Variants in CRYZL1 observed in about 807,000 individuals in gnomAD.
CRYZL1 encodes the protein crystallin zeta like 1.
CRYZL1 carries 34 observed loss-of-function variants against 50.6 expected under a neutral mutation model. The observed-to-expected ratio is 0.67, with a 90% CI of 0.51 to 0.89. CRYZL1 has a LOEUF of 0.89. Ranked by LOEUF, CRYZL1 falls within the 40% of genes least tolerant of loss-of-function variation. The pLI, the probability that CRYZL1 is intolerant of heterozygous loss-of-function variation, is 0.00. For synonymous variants in CRYZL1, 125 were observed against 134.3 expected (o/e 0.93, Z 0.48); for missense variants, 354 against 402.3 (o/e 0.88, Z 1.03).
At chr21:33,641,280 C>T (rs146403588) in intron 1 of CRYZL1, 16 of 1,549,862 alleles carry the variant, frequency 1.0e-5, no homozygotes. Flanking sequence ...CCGAAAACAG[C>T]AAAGTGATGA....
At chr21:33,620,552 T>G (rs913223000) in intron 4 of CRYZL1, among the ~76,000 whole-genome samples, 2 of 151,624 alleles carry the variant, frequency 1.3e-5, no homozygotes, top group Non-Finnish European at 1.5e-5. Flanking sequence ...GGCTCATGCC[T>G]GTAATCCCAG....
chr21:33,599,063 TAATA>T, intron 9 of CRYZL1, 83 bp downstream of exon 9: 1 of 1,173,000 alleles, frequency 8.5e-7, no homozygotes, highest in Non-Finnish European at 1.2e-6. Flanking sequence ...ATAAGTGCAT[TAATA>T]ATTATGCCCT....
chr21:33,613,018 G>A (rs2086890116), intron 6 of CRYZL1, among the ~76,000 whole-genome samples: 1 of 151,998 alleles, frequency 6.6e-6, no homozygotes, highest in Non-Finnish European at 1.5e-5. Flanking sequence ...TAGAGACCAG[G>A]TTTTGCTATG....
At chr21:33,595,277 C>G in intron 11 of CRYZL1, 1 of 996,258 alleles carries the variant, frequency 1.0e-6, no homozygotes, top group Non-Finnish European at 1.3e-6. Context: ...TTATAAAACA[C>G]TCCACAAACT....
intron 1 of CRYZL1, among the ~76,000 whole-genome samples, chr21:33,633,429 T>C (rs974414135): frequency 6.6e-6 from 1 of 152,136 alleles, no homozygotes; most frequent in African/African-American, 2.4e-5. Flanking sequence ...CTTTTTTTTT[T>C]TCTTTTTTTT....
chr21:33,597,403 T>C lies in CRYZL1; in HGVS notation c.677-2A>G, dbSNP rs2086705781. On this transcript the variant is annotated splice_acceptor_variant, in intron 9 of 12. Coordinates refer to ENST00000381554, the MANE Select transcript of CRYZL1 (RefSeq NM_145858.3). LOFTEE classifies it high-confidence loss of function. Reference sequence around the variant, plus strand: ...CATCATCTTTACTATATAATCTCACTTGCAAGGGAATAGTTTTAAAAAAAG... The same window carrying C: ...CATCATCTTTACTATATAATCTCACCTGCAAGGGAATAGTTTTAAAAAAAG... 1 of 1,566,516 alleles carries C rather than the reference T, an allele frequency of 6.4e-7. No individual in the cohort carries two copies. Among genetic ancestry groups the C allele is most frequent in the Non-Finnish European group, 8.8e-7 (1 of 1,138,978 alleles).
At chr21:33,593,403 G>C (rs1387253839) in intron 11 of CRYZL1, among the ~76,000 whole-genome samples, 3 of 152,042 alleles carry the variant, frequency 2.0e-5, no homozygotes, top group African/African-American at 7.2e-5. Flanking sequence ...ACCACACCTG[G>C]CCTAAAAATA....
intron 1 of CRYZL1, among the ~76,000 whole-genome samples, chr21:33,632,663 T>C (rs1168819556): frequency 6.6e-6 from 1 of 152,108 alleles, no homozygotes; most frequent in Non-Finnish European, 1.5e-5. Context: ...CAGGCATGAG[T>C]CACCGCGCCC....
chr21:33,606,516 C>G (rs1271090345), intron 6 of CRYZL1, among the ~76,000 whole-genome samples: 1 of 151,762 alleles, frequency 6.6e-6, no homozygotes, highest in East Asian at 1.9e-4. Flanking sequence ...ATTCCAGCTA[C>G]TTGGGAGGCT....
At chr21:33,624,508 C>T (rs746328953) in intron 3 of CRYZL1, among the ~76,000 whole-genome samples, 175 bp downstream of exon 3, 53 of 152,112 alleles carry the variant, frequency 3.5e-4, no homozygotes, top group Non-Finnish European at 6.2e-4. Flanking sequence ...GAGATTGCAC[C>T]ACTGCACTCC....
chr21:33,641,433 GGAGATGCAAACT>G, intron 1 of CRYZL1: 1 of 1,201,668 alleles, frequency 8.3e-7, no homozygotes, highest in African/African-American at 1.5e-5. Context: ...AAAAGTAGAG[GGAGATGCAAACT>G]GAGATAAGAC....
At chr21:33,614,526 C>A (rs962753156) in intron 5 of CRYZL1, among the ~76,000 whole-genome samples, 5 of 152,116 alleles carry the variant, frequency 3.3e-5, no homozygotes, top group Admixed American at 3.3e-4. Context: ...GTCCTTGATG[C>A]ATAGCTACCT....
intron 2 of CRYZL1, among the ~76,000 whole-genome samples, chr21:33,628,381 G>A (rs1366179004): frequency 6.6e-6 from 1 of 152,134 alleles, no homozygotes; most frequent in Non-Finnish European, 1.5e-5. Flanking sequence ...GGATTGAATT[G>A]AGTCTGTAGA....
At chr21:33,641,037 C>A in intron 1 of CRYZL1, 3 of 1,303,508 alleles carry the variant, frequency 2.3e-6, no homozygotes, top group Non-Finnish European at 3.0e-6. Flanking sequence ...ATTAAAATGA[C>A]ATAAGGGACT....
intron 1 of CRYZL1, among the ~76,000 whole-genome samples, chr21:33,637,735 T>C (rs993051888): frequency 1.0e-4 from 15 of 146,870 alleles, no homozygotes; most frequent in East Asian, 5.9e-4. Flanking sequence ...CAAAGATATA[T>C]ATAAACAGCT....
intron 12 of CRYZL1, 62 bp downstream of exon 12, chr21:33,591,100 T>A: frequency 8.0e-7 from 1 of 1,250,208 alleles, no homozygotes; most frequent in South Asian, 1.2e-5. Flanking sequence ...TGGGACTGCC[T>A]GCCTTAGCTC....
At chr21:33,612,447 A>G (rs1254758984) in intron 6 of CRYZL1, among the ~76,000 whole-genome samples, 1 of 152,102 alleles carries the variant, frequency 6.6e-6, no homozygotes, top group Non-Finnish European at 1.5e-5. Context: ...CCAACAGCCC[A>G]GCTAAGATTT....
Position 33,597,287 on chromosome 21 carries a change from T to G in CRYZL1, c.791A>C (p.Asn264Thr). ...TATGGTTTCTGATAGTACCTGAAGG[T>G]TTTCTTCTGTTGTTACCCAGTGGCC... ...VGGHWVTTEE[N>T]LQLDPPDSHC... The change falls in exon 10 of 13, where the codon AAC becomes ACC. Residue 264 changes from asparagine to threonine, a missense_variant. Transcript: ENST00000381554. The G allele has an allele frequency of 6.2e-7, 1 of 1,613,856 alleles. No homozygotes were observed. The highest frequency in any genetic ancestry group is 2.2e-5 in the East Asian group (1 of 44,880).
chr21:33,593,419 A>T (rs2086662723), intron 11 of CRYZL1, among the ~76,000 whole-genome samples: 1 of 152,126 alleles, frequency 6.6e-6, no homozygotes, highest in Admixed American at 6.5e-5. Flanking sequence ...AAATATTTTT[A>T]AAAGGAAACT....
Sources: allele counts gnomAD v4.1 joint callset (sites outside exome capture counted in the v4.1 genomes callset), GRCh38; gene constraint gnomAD v4.1.1; transcripts MANE v1.5; gene names NCBI Gene and HGNC (gene_info 2026-07-23, HGNC 2026-07-21).